The following XDH variants were observed in gnomAD, a reference collection of about 807,000 sequenced individuals.
XDH encodes the protein xanthine dehydrogenase/oxidase.
Under a neutral mutation model 156.1 loss-of-function variants are expected in XDH, and 138 were observed. The ratio of observed to expected loss-of-function variants is 0.88; its 90% CI spans 0.77 to 1.02. The LOEUF (loss-of-function observed/expected upper bound fraction) is 1.02, where lower values mean the gene tolerates loss of function less well. Among genes scored for constraint, XDH ranks in the 50% least tolerant of loss-of-function variants. The probability of loss-of-function intolerance (pLI) is 0.00; values close to 1 mark genes in which losing one functional copy is unlikely to be tolerated. For missense variants in XDH, 1,849 were observed against 1,684.9 expected, an observed-to-expected ratio of 1.10 and a Z score of -1.71; for synonymous variants, 669 against 625.7, an observed-to-expected ratio of 1.07 and a Z score of -1.03.
chr2:31,349,857 C>T (rs541076722), intron 25 of XDH, 26 bp from the exon 26 acceptor site: 5 of 1,613,314 alleles, frequency 3.1e-6, no homozygotes, highest in South Asian at 2.2e-5. Context: ...GACACAGAGG[C>T]CTTGTTGGCG....
intron 5 of XDH, 141 bp downstream of exon 5, chr2:31,398,432 T>A (rs1421427489): frequency 2.0e-6 from 3 of 1,495,358 alleles, no homozygotes; most frequent in Non-Finnish European, 2.8e-6. Context: ...TTCTAGCAGA[T>A]CTTAGTCACC....
In XDH at chr2:31,375,825, G is replaced by C. The variant is rs1686229643; in HGVS notation, c.1428-271C>G. On this transcript the variant is annotated intron_variant, in intron 14 of 35. Transcript: ENST00000379416. The stretch of plus-strand genomic sequence containing the variant: ...CAATGTGCCAGGCAACATCTTAAGT[G>C]TTTTATATGAATTCTCACTTTTAAT... Among the ~76,000 whole-genome samples, 4 of 152,192 alleles carry C rather than the reference G, an allele frequency of 2.6e-5. 1 individual carries two copies. In the South Asian group the frequency reaches 8.3e-4, roughly 31 times the overall value.
chr2:31,409,276 T>C (rs1687279339), intron 1 of XDH, among the ~76,000 whole-genome samples: 1 of 152,158 alleles, frequency 6.6e-6, no homozygotes, highest in South Asian at 2.1e-4. Context: ...CATTTAAAAA[T>C]AACTAAAAAA....
chr2:31,372,447 CT>C (rs1558692342), intron 16 of XDH, 50 bp from the exon 17 acceptor site: 1 of 1,611,808 alleles, frequency 6.2e-7, no homozygotes, highest in East Asian at 2.2e-5. Context: ...GACACTGCCC[CT>C]CTATGGGCCC....
intron 4 of XDH, among the ~76,000 whole-genome samples, chr2:31,400,514 C>T (rs201546289): frequency 1.3e-5 from 2 of 152,110 alleles, no homozygotes; most frequent in East Asian, 3.9e-4. Context: ...GGACAATGGC[C>T]GTTCCTTCCA....
At chr2:31,373,587 G>A (rs989295151) in intron 16 of XDH, among the ~76,000 whole-genome samples, 7 of 151,870 alleles carry the variant, frequency 4.6e-5, no homozygotes, top group African/African-American at 7.3e-5. Flanking sequence ...TCAAGAAGAC[G>A]TCTGGCTTTG....
intron 3 of XDH, among the ~76,000 whole-genome samples, chr2:31,401,785 G>T (rs1407072183): frequency 1.3e-5 from 2 of 152,342 alleles, no homozygotes; most frequent in East Asian, 3.9e-4. Context: ...TGTGGGGAAA[G>T]GGGGAGGAAA....
chr2:31,369,443 C>G (rs746956762), intron 18 of XDH, among the ~76,000 whole-genome samples: 2 of 152,108 alleles, frequency 1.3e-5, no homozygotes, highest in Non-Finnish European at 2.9e-5. Flanking sequence ...AAGTAAACAA[C>G]AAAAAATTTT....
intron 29 of XDH, 54 bp downstream of exon 29, chr2:31,347,468 G>C: frequency 1.9e-6 from 3 of 1,611,572 alleles, no homozygotes; most frequent in Non-Finnish European, 2.5e-6. Context: ...AGACTCTCCA[G>C]GCCCACAGCT....
chr2:31,336,673 G>A (rs1423222191), intron 35 of XDH, among the ~76,000 whole-genome samples: 1 of 150,830 alleles, frequency 6.6e-6, no homozygotes, highest in African/African-American at 2.4e-5. Flanking sequence ...GACCTGAATG[G>A]GGACCCATAT....
intron 6 of XDH, among the ~76,000 whole-genome samples, chr2:31,392,361 T>C (rs998708271): frequency 4.6e-5 from 7 of 151,766 alleles, no homozygotes; most frequent in Non-Finnish European, 1.0e-4. Flanking sequence ...CCTTTTTTTT[T>C]CTAGTTTTCT....
chr2:31,372,263 C>G lies in XDH; in HGVS notation c.1821G>C (p.Arg607=), dbSNP rs781008132. The G allele has an allele frequency of 6.2e-7, 1 of 1,614,240 alleles. No individual in the cohort carries two copies. Among genetic ancestry groups the G allele is most frequent in the Admixed American group, 1.7e-5 (1 of 60,026 alleles). The change falls in exon 17 of 36, where the codon CGG becomes CGC. Residue 607 remains arginine, a synonymous_variant. Transcript: ENST00000379416. ...IPRYENELSL[R]LVTSTRAHAK... ...CGTGGGCCCGGGTGCTGGTGACCAGCCGGAGAGACAGCTCATTCTCGTAGC... is the reference window on the plus strand; with the variant it reads ...CGTGGGCCCGGGTGCTGGTGACCAGGCGGAGAGACAGCTCATTCTCGTAGC...
chr2:31,339,245 T>C (rs1454173255), intron 34 of XDH, among the ~76,000 whole-genome samples: 1 of 152,102 alleles, frequency 6.6e-6, no homozygotes, highest in African/African-American at 2.4e-5. Context: ...TCCCTCTAAA[T>C]TCACCCAAAG....
chr2:31,375,542 C>G lies in XDH; in HGVS notation c.1440G>C (p.Glu480Asp). The G allele has an allele frequency of 6.2e-7, 1 of 1,613,520 alleles. No individual in the cohort carries two copies. Among genetic ancestry groups the G allele is most frequent in the Non-Finnish European group, 8.5e-7 (1 of 1,180,028 alleles). The change falls in exon 15 of 36, where the codon GAG becomes GAC. Residue 480 changes from glutamate (E) to aspartate (D), a missense_variant. Coordinates refer to ENST00000379416, the MANE Select transcript of XDH (RefSeq NM_000379.4). ...TQRQLSKLWKEELLQDVCAGL... is the reference protein window; with the variant it reads ...TQRQLSKLWKDELLQDVCAGL... ...CTGCACACACGTCCTGCAGCAGCTCCTCCTTCCAGAGCCTGCCAGAGAGCA... is the reference window on the plus strand; with the variant it reads ...CTGCACACACGTCCTGCAGCAGCTCGTCCTTCCAGAGCCTGCCAGAGAGCA...
Position 31,367,989 on chromosome 2 carries a change from C to T in XDH, c.2169G>A (p.Gly723=), listed in dbSNP as rs200349075. 4 of 1,614,178 alleles carry T rather than the reference C, an allele frequency of 2.5e-6. No individual in the cohort carries two copies. The African/African-American group carries it at 4.0e-5, about 16-fold the overall frequency. ...ACACAACATTATCTGCTTCGGAAAA[C>T]CCCTTCTTTAGGTCCCCTTTCTCGA... ...LKIEKGDLKK[G]FSEADNVVSG... Residue 723 remains glycine (G), a synonymous_variant, in exon 20 of 36, where the codon GGG becomes GGA. Transcript: ENST00000379416.
In XDH at chr2:31,355,547, A is replaced by T. The variant is rs930444900; in HGVS notation, c.2632-5324T>A. Among the ~76,000 whole-genome samples the T allele has an allele frequency of 2.0e-5, 3 of 152,266 alleles. No homozygotes were observed. In the South Asian group the frequency reaches 6.2e-4, roughly 32 times the overall value. ...AAGTTTTCTATACTTCACCAAAACTAGTAAAATGAGAACTTCAGTAGGCTG... is the reference window on the plus strand; with the variant it reads ...AAGTTTTCTATACTTCACCAAAACTTGTAAAATGAGAACTTCAGTAGGCTG... On this transcript the variant is annotated intron_variant, in intron 24 of 35. Coordinates refer to ENST00000379416, the MANE Select transcript of XDH (RefSeq NM_000379.4).
At chr2:31,371,012 G>A (rs1004482975) in intron 17 of XDH, among the ~76,000 whole-genome samples, 5 of 152,178 alleles carry the variant, frequency 3.3e-5, no homozygotes, top group African/African-American at 4.8e-5. Flanking sequence ...CATGGAGCCC[G>A]GCTGTGCCAC....
intron 6 of XDH, among the ~76,000 whole-genome samples, chr2:31,390,779 C>T (rs1384001126): frequency 6.6e-6 from 1 of 152,152 alleles, no homozygotes; most frequent in Admixed American, 6.5e-5. Flanking sequence ...AACTTATATG[C>T]TTACTGGCCA....
At chr2:31,382,235 C>T (rs1231844926) in intron 11 of XDH, among the ~76,000 whole-genome samples, 1 of 151,934 alleles carries the variant, frequency 6.6e-6, no homozygotes, top group African/African-American at 2.4e-5. Context: ...ACAATTCTTC[C>T]TGGAAATAGA....
Sources: gnomAD v4.1 joint callset for allele counts (sites outside exome capture counted in the v4.1 genomes callset) on GRCh38, gnomAD v4.1.1 for gene constraint, MANE v1.5 for transcripts, NCBI Gene and HGNC (gene_info 2026-07-23, HGNC 2026-07-21) for gene names.